The following CASR variants were observed in gnomAD, a reference collection of about 807,000 sequenced individuals.
CASR encodes the protein extracellular calcium-sensing receptor.
A neutral mutation model predicts 69.1 loss-of-function variants in CASR; 23 were observed. That is an observed-to-expected ratio of 0.33 (90% CI 0.24 to 0.47). The LOEUF (loss-of-function observed/expected upper bound fraction) is 0.47. Ranked by LOEUF, CASR falls within the 20% of genes least tolerant of loss-of-function variation. The pLI, the probability that CASR is intolerant of heterozygous loss-of-function variation, is 1.00. For synonymous variants in CASR, 541 were observed against 544.7 expected, an observed-to-expected ratio of 0.99 and a Z score of 0.10; for missense variants, 924 against 1,356.1, an observed-to-expected ratio of 0.68 and a Z score of 5.00.
At chr3:122,275,712 T>C (rs937556485) in intron 4 of CASR, 100 bp from the exon 5 acceptor site, 3 of 827,662 alleles carry the variant, frequency 3.6e-6, no homozygotes, top group Admixed American at 1.8e-5. Flanking sequence ...CCCACTTTGT[T>C]GGAACAAGAT....
intron 4 of CASR, among the ~76,000 whole-genome samples, chr3:122,272,724 C>A (rs1203280888): frequency 6.6e-6 from 1 of 152,216 alleles, no homozygotes; most frequent in African/African-American, 2.4e-5. Flanking sequence ...AGTTCTGCAG[C>A]CCAGTTCAGA....
intron 1 of CASR, among the ~76,000 whole-genome samples, chr3:122,213,565 G>A (rs1218011020): frequency 6.6e-6 from 1 of 152,090 alleles, no homozygotes; most frequent in Non-Finnish European, 1.5e-5. Context: ...TACATACTTG[G>A]CACCATACCC....
rs1427887448 is a variant in CASR at position 122,254,165 on chromosome 3, C to T, written c.-25C>T. The stretch of plus-strand genomic sequence containing the variant: ...CTCCAAACTCCTAGCTGTCTCATCC[C>T]TTGCCCTGGAGAGACGGCAGAACCA... On this transcript the variant is annotated 5_prime_UTR_variant, in exon 2 of 7. Transcript: ENST00000639785. 3.1e-6 allele frequency: 5 copies of T among 1,611,534 alleles called. No homozygotes were observed. Among genetic ancestry groups the T allele is most frequent in the Admixed American group, 1.7e-5 (1 of 60,026 alleles).
At chr3:122,272,890 G>T (rs1282880538) in intron 4 of CASR, among the ~76,000 whole-genome samples, 1 of 152,196 alleles carries the variant, frequency 6.6e-6, no homozygotes, top group Non-Finnish European at 1.5e-5. Context: ...GATTATGGTG[G>T]AAATCTCCAG....
rs144335140 is a variant in CASR, at chr3:122,244,183, T to C, written c.-242-9765T>C. Among the ~76,000 whole-genome samples the C allele has an allele frequency of 5.6e-4, 85 of 152,172 alleles. No individual in the cohort carries two copies. In the East Asian group the frequency reaches 0.015, roughly 27 times the overall value. ...TTTTTAAATAACTAAAAGAAAATAA[T>C]TGGATTGTTTGTAACACAAAAGATA... On this transcript the variant is annotated intron_variant, in intron 1 of 6. Transcript: ENST00000639785.
intron 5 of CASR, among the ~76,000 whole-genome samples, chr3:122,277,075 G>A (rs1254898823): frequency 6.8e-6 from 1 of 146,474 alleles, no homozygotes; most frequent in African/African-American, 2.6e-5. Context: ...TTGAGATGGG[G>A]TCTGGCTCTG....
At chr3:122,261,482 TTCACTCACTCACTCAC>T (rs766222850) in intron 3 of CASR, 30 bp from the exon 4 acceptor site, 9 of 1,589,840 alleles carry the variant, frequency 5.7e-6, no homozygotes, top group African/African-American at 1.3e-5. Flanking sequence ...TCAGCACCTC[TTCACTCACTCACTCAC>T]TCATTCACCA....
chr3:122,276,673 T>C (rs1419465280), intron 5 of CASR, among the ~76,000 whole-genome samples: 3 of 152,176 alleles, frequency 2.0e-5, no homozygotes, highest in South Asian at 2.1e-4. Context: ...ACAGAGGTAG[T>C]GTGACAGCCC....
intron 1 of CASR, among the ~76,000 whole-genome samples, chr3:122,225,521 C>A (rs1235981041): frequency 4.0e-5 from 6 of 148,620 alleles, no homozygotes; most frequent in African/African-American, 1.5e-4. Flanking sequence ...GATACCATCT[C>A]ACACCAATCA....
intron 1 of CASR, among the ~76,000 whole-genome samples, chr3:122,221,740 A>G (rs1314168476): frequency 6.6e-6 from 1 of 152,176 alleles, no homozygotes; most frequent in Non-Finnish European, 1.5e-5. Flanking sequence ...TAATCCCCCC[A>G]TCATTTATTA....
At chr3:122,261,381 T>C in intron 3 of CASR, 147 bp from the exon 4 acceptor site, 1 of 782,746 alleles carries the variant, frequency 1.3e-6, no homozygotes, top group Non-Finnish European at 2.3e-6. Context: ...CCTTACCCTT[T>C]CTTTCATCCT....
chr3:122,265,510 A>G (rs1265554349), intron 4 of CASR, among the ~76,000 whole-genome samples: 1 of 152,186 alleles, frequency 6.6e-6, no homozygotes, highest in Non-Finnish European at 1.5e-5. Context: ...GTTCAGTACT[A>G]TGTTCAGAAT....
chr3:122,235,464 C>T (rs34079990), intron 1 of CASR, among the ~76,000 whole-genome samples: 24,556 of 152,178 alleles, frequency 0.16, 2,054 homozygotes, highest in Non-Finnish European at 0.18. Context: ...AAGATGTTAG[C>T]AGTTATTTTG....
intron 5 of CASR, among the ~76,000 whole-genome samples, chr3:122,279,149 G>A (rs114796420): frequency 0.017 from 2,639 of 152,210 alleles, 50 homozygotes; most frequent in Non-Finnish European, 0.029. Flanking sequence ...CCACTATCAA[G>A]GACTATGAGG....
At position 122,287,739 on chromosome 3, in the gene CASR, C is replaced by T. The variant is rs1576880778; in HGVS notation, c.*2548C>T. Reference sequence around the variant, plus strand: ...CATGGGTTTCGTGGTGGTTTTCACGCATGCCTCACTGTCCTAACCAGTCGG... The same window carrying T: ...CATGGGTTTCGTGGTGGTTTTCACGTATGCCTCACTGTCCTAACCAGTCGG... On this transcript the variant is annotated 3_prime_UTR_variant, in exon 7 of 7. Coordinates refer to ENST00000639785, the MANE Select transcript of CASR (RefSeq NM_000388.4). 1 of 152,282 alleles carries T rather than the reference C, an allele frequency of 6.6e-6. No homozygotes were observed. Among genetic ancestry groups the T allele is most frequent in the Non-Finnish European group, 1.5e-5 (1 of 68,086 alleles). The allele number at this position is 152,282 out of a possible 1,614,324, so 9.4% of individuals were successfully genotyped here.
rs764332910 is a variant in CASR, at chr3:122,284,690, C to T, written c.2736C>T (p.Ser912=). 6.2e-7 allele frequency: 1 copy of T among 1,613,598 alleles called. No homozygotes were observed. Among genetic ancestry groups the T allele is most frequent in the Non-Finnish European group, 8.5e-7 (1 of 1,179,518 alleles). ...GCTCCACGGGATCCACCCCCTCCTC[C>T]TCCATCAGCAGCAAGAGCAACAGCG... ...LGGSTGSTPS[S]SISSKSNSED... Residue 912 remains serine (S), a synonymous_variant, in exon 7 of 7, where the codon TCC becomes TCT. Transcript: ENST00000639785.
At chr3:122,276,468 T>C (rs1419151558) in intron 5 of CASR, among the ~76,000 whole-genome samples, 1 of 152,172 alleles carries the variant, frequency 6.6e-6, no homozygotes, top group Non-Finnish European at 1.5e-5. Flanking sequence ...CAGGAAGTAT[T>C]AATGGCCTTC....
chr3:122,288,856 A>G lies in CASR; in HGVS notation c.*3665A>G, dbSNP rs1466170019. On this transcript the variant is annotated 3_prime_UTR_variant, in exon 7 of 7. Coordinates refer to ENST00000639785, the MANE Select transcript of CASR (RefSeq NM_000388.4). ...GCTTACATTTCTTTTGAAAATTAAAATGAATTATAAAGTTAAAAAGATTTT... is the reference window on the plus strand; with the variant it reads ...GCTTACATTTCTTTTGAAAATTAAAGTGAATTATAAAGTTAAAAAGATTTT... 2 of 152,208 alleles carry G rather than the reference A, an allele frequency of 1.3e-5. No individual in the cohort carries two copies. Among genetic ancestry groups the G allele is most frequent in the Non-Finnish European group, 2.9e-5 (2 of 68,036 alleles). 9.4% of individuals were successfully genotyped at this position (152,208 alleles called of 1,614,324 possible). A position where few individuals can be genotyped will look rare whatever the true frequency, so the allele number is the denominator to read the frequency against.
At chr3:122,218,763 A>G (rs2074142901) in intron 1 of CASR, among the ~76,000 whole-genome samples, 1 of 152,210 alleles carries the variant, frequency 6.6e-6, no homozygotes, top group Non-Finnish European at 1.5e-5. Flanking sequence ...GGGGATTGGA[A>G]CTGAAGAGTT....
Sources: gnomAD v4.1 joint callset for allele counts (sites outside exome capture counted in the v4.1 genomes callset) on GRCh38, gnomAD v4.1.1 for gene constraint, MANE v1.5 for transcripts, NCBI Gene and HGNC (gene_info 2026-07-23, HGNC 2026-07-21) for gene names.